The following PLCG2 variants were observed in gnomAD, a reference collection of about 807,000 sequenced individuals.
The protein encoded by PLCG2 is 1-phosphatidylinositol 4,5-bisphosphate phosphodiesterase gamma-2.
In PLCG2, 69 loss-of-function variants were observed where a neutral mutation model predicts 175.6. The observed-to-expected ratio is 0.39, with a 90% CI of 0.32 to 0.48. The LOEUF (loss-of-function observed/expected upper bound fraction) is 0.48. Among genes scored for constraint, PLCG2 ranks in the 20% least tolerant of loss-of-function variants. PLCG2 has a pLI of 0.91. For missense variants in PLCG2, 1,798 were observed against 1,650.9 expected (o/e 1.09, Z -1.54); for synonymous variants, 827 against 624.0 (o/e 1.33, Z -4.85).
intron 21 of PLCG2, 86 bp downstream of exon 21, chr16:81,921,355 G>A (rs991478269): frequency 1.1e-6 from 1 of 923,120 alleles, no homozygotes. Context: ...AGTTATAACA[G>A]GGCAAGGGAA....
chr16:81,743,765 A>T (rs1380237244), intron 1 of PLCG2, among the ~76,000 whole-genome samples: 1 of 152,196 alleles, frequency 6.6e-6, no homozygotes, highest in Non-Finnish European at 1.5e-5. Context: ...ATGAAGAAAG[A>T]CTAAGTCCCA....
chr16:81,893,839 A>G, intron 12 of PLCG2, 45 bp downstream of exon 12: 1 of 1,235,128 alleles, frequency 8.1e-7, no homozygotes, highest in Non-Finnish European at 1.2e-6. Context: ...CAGCAAATTG[A>G]GGATAACCAT....
intron 2 of PLCG2, among the ~76,000 whole-genome samples, chr16:81,763,453 C>G (rs532033302): frequency 6.6e-6 from 1 of 152,214 alleles, no homozygotes; most frequent in Non-Finnish European, 1.5e-5. Context: ...GGGGCCATCT[C>G]CAAGGTGTCC....
chr16:81,865,673 C>T (rs1185582179), intron 5 of PLCG2, among the ~76,000 whole-genome samples: 3 of 152,124 alleles, frequency 2.0e-5, no homozygotes, highest in Non-Finnish European at 4.4e-5. Context: ...TTCCTTGCTC[C>T]CAGGATGGGC....
chr16:81,881,038 T>A, intron 8 of PLCG2, 85 bp downstream of exon 8: 1 of 1,371,222 alleles, frequency 7.3e-7, no homozygotes, highest in Non-Finnish European at 1.0e-6. Context: ...AGGGGATGCC[T>A]GTGTGTGCAG....
chr16:81,841,419 T>C (rs1313198658), intron 2 of PLCG2, among the ~76,000 whole-genome samples: 1 of 152,034 alleles, frequency 6.6e-6, no homozygotes, highest in Non-Finnish European at 1.5e-5. Flanking sequence ...TTTTGTATTT[T>C]TAGTAGAGAC....
intron 31 of PLCG2, among the ~76,000 whole-genome samples, chr16:81,949,639 T>A (rs1240793324): frequency 1.3e-5 from 2 of 152,132 alleles, no homozygotes; most frequent in Non-Finnish European, 2.9e-5. Flanking sequence ...AACTTTTAGA[T>A]AGGGAGGTGA....
At chr16:81,879,106 G>A (rs1394621219) in intron 7 of PLCG2, among the ~76,000 whole-genome samples, 1 of 152,072 alleles carries the variant, frequency 6.6e-6, no homozygotes, top group Admixed American at 6.6e-5. Flanking sequence ...CTTTTTCTGT[G>A]CTTTGTTGAA....
intron 2 of PLCG2, among the ~76,000 whole-genome samples, chr16:81,791,953 C>G (rs1336794210): frequency 1.3e-5 from 2 of 152,172 alleles, no homozygotes; most frequent in African/African-American, 4.8e-5. Flanking sequence ...TTACGACAGC[C>G]TCATAAATCC....
At chr16:81,762,450 T>A (rs2143089651) in intron 2 of PLCG2, among the ~76,000 whole-genome samples, 1 of 151,854 alleles carries the variant, frequency 6.6e-6, no homozygotes, top group East Asian at 2.0e-4. Context: ...GCTCCTATAG[T>A]CCCAGGTACT....
chr16:81,870,458 G>C (rs899279170), intron 6 of PLCG2, among the ~76,000 whole-genome samples: 2 of 152,202 alleles, frequency 1.3e-5, no homozygotes, highest in African/African-American at 4.8e-5. Context: ...TCCAAAGAGA[G>C]TGTTTTCTGC....
At chr16:81,945,824 T>G (rs955472196) in intron 30 of PLCG2, among the ~76,000 whole-genome samples, 4 of 152,254 alleles carry the variant, frequency 2.6e-5, no homozygotes, top group African/African-American at 9.6e-5. Context: ...GAGGATTCAC[T>G]ACTCTTTTGG....
intron 5 of PLCG2, among the ~76,000 whole-genome samples, chr16:81,865,464 A>G (rs1907182735): frequency 6.6e-6 from 1 of 152,132 alleles, no homozygotes; most frequent in African/African-American, 2.4e-5. Context: ...CAGTGTTTAC[A>G]TTGTAAGGGG....
intron 2 of PLCG2, among the ~76,000 whole-genome samples, chr16:81,797,655 C>T (rs907444918): frequency 6.6e-6 from 1 of 152,210 alleles, no homozygotes; most frequent in Non-Finnish European, 1.5e-5. Context: ...CCCTTTCAGC[C>T]TCGGACTTCC....
chr16:81,885,611 C>G lies in PLCG2; in HGVS notation c.765+2270C>G, dbSNP rs541044221. 6.1e-5 allele frequency among the ~76,000 whole-genome samples: 9 copies of G among 146,926 alleles called. No individual in the cohort carries two copies. In the East Asian group the frequency reaches 1.3e-3, roughly 21 times the overall value. Reference sequence around the variant, plus strand: ...TTTGTAAATACTTCTGTATGTTTCTCTCACAGATAGAACTTTTTTTTTTAA... The same window carrying G: ...TTTGTAAATACTTCTGTATGTTTCTGTCACAGATAGAACTTTTTTTTTTAA... On this transcript the variant is annotated intron_variant, in intron 9 of 32. Transcript: ENST00000564138.
rs561020330 is a variant in PLCG2, at chr16:81,928,028, C to T, written c.2515-530C>T. ...AAGGAGTGGATGCCTGGTTCTGCCA[C>T]CTCTCCTAAGCCCAGGATATTCTTC... On this transcript the variant is annotated intron_variant, in intron 23 of 32. Coordinates refer to ENST00000564138, the MANE Select transcript of PLCG2 (RefSeq NM_002661.5). Among the ~76,000 whole-genome samples, 91 of 79,146 alleles carry T rather than the reference C, an allele frequency of 1.1e-3. 1 individual carries two copies. Among genetic ancestry groups the T allele is most frequent in the South Asian group, 0.011 (26 of 2,420 alleles). The allele number at this position is 79,146 out of a possible 152,430, so 51.9% of individuals were successfully genotyped here. A position where few individuals can be genotyped will look rare whatever the true frequency, so the allele number is the denominator to read the frequency against.
At chr16:81,764,972 C>A (rs1019008473) in intron 2 of PLCG2, among the ~76,000 whole-genome samples, 1 of 152,016 alleles carries the variant, frequency 6.6e-6, no homozygotes, top group African/African-American at 2.4e-5. Flanking sequence ...ACCTGTGGTC[C>A]CAGCTACTCG....
intron 20 of PLCG2, 80 bp downstream of exon 20, chr16:81,919,744 C>T (rs945352744): frequency 8.3e-5 from 101 of 1,219,988 alleles, no homozygotes; most frequent in South Asian, 1.4e-5. Flanking sequence ...TTCAGCAAAC[C>T]TCTGAGTATT....
At chr16:81,890,010 G>A (rs1178511913) in intron 10 of PLCG2, among the ~76,000 whole-genome samples, 1 of 152,052 alleles carries the variant, frequency 6.6e-6, no homozygotes, top group African/African-American at 2.4e-5. Flanking sequence ...GGGTGCTGCT[G>A]ATTGGTTGGA....
Sources: gnomAD v4.1 joint callset for allele counts (sites outside exome capture counted in the v4.1 genomes callset) on GRCh38, gnomAD v4.1.1 for gene constraint, MANE v1.5 for transcripts, NCBI Gene and HGNC (gene_info 2026-07-23, HGNC 2026-07-21) for gene names.